The following SND1 variants were observed in gnomAD, a reference collection of about 807,000 sequenced individuals.
SND1 encodes staphylococcal nuclease domain-containing protein 1.
In SND1, 38 loss-of-function variants were observed where a neutral mutation model predicts 121.7. The observed-to-expected ratio is 0.31, with a 90% CI of 0.24 to 0.41. The LOEUF (loss-of-function observed/expected upper bound fraction) is 0.41. SND1 is among the 10% of genes least tolerant of loss of function. The pLI is 1.00. For missense variants in SND1, 868 were observed against 1,184.6 expected, an observed-to-expected ratio of 0.73 and a Z score of 3.92; for synonymous variants, 401 against 447.4, an observed-to-expected ratio of 0.90 and a Z score of 1.31.
At chr7:127,662,268 A>G (rs1348886518) in intron 1 of SND1, among the ~76,000 whole-genome samples, 1 of 152,200 alleles carries the variant, frequency 6.6e-6, no homozygotes, top group African/African-American at 2.4e-5. Flanking sequence ...AAACTGAAAT[A>G]GGGTCAATCT....
intron 10 of SND1, among the ~76,000 whole-genome samples, chr7:127,740,885 A>T (rs879433047): frequency 6.6e-6 from 1 of 152,200 alleles, no homozygotes; most frequent in Admixed American, 6.5e-5. Flanking sequence ...TTATAGATGC[A>T]GATGTTGTTT....
intron 10 of SND1, among the ~76,000 whole-genome samples, chr7:127,797,060 T>C (rs1002808725): frequency 1.3e-5 from 2 of 152,016 alleles, no homozygotes; most frequent in African/African-American, 4.8e-5. Flanking sequence ...GCTGGGCTAA[T>C]TTTTGTATTT....
intron 9 of SND1, among the ~76,000 whole-genome samples, chr7:127,712,760 A>G (rs990393794): frequency 2.0e-5 from 3 of 152,180 alleles, no homozygotes; most frequent in Admixed American, 6.5e-5. Flanking sequence ...GCTTATGTAT[A>G]GATACGTTTT....
chr7:127,961,567 A>G (rs1801731076), intron 15 of SND1, among the ~76,000 whole-genome samples: 1 of 152,234 alleles, frequency 6.6e-6, no homozygotes, highest in South Asian at 2.1e-4. Context: ...CCTAAACCCA[A>G]AACAACCAAA....
chr7:127,722,236 A>G (rs1278632517), intron 10 of SND1, among the ~76,000 whole-genome samples: 1 of 152,074 alleles, frequency 6.6e-6, no homozygotes, highest in Non-Finnish European at 1.5e-5. Flanking sequence ...CCAAAGGCAA[A>G]CATTTGGACA....
chr7:128,066,363 A>G (rs993513351), intron 16 of SND1, among the ~76,000 whole-genome samples: 4 of 152,242 alleles, frequency 2.6e-5, no homozygotes, highest in African/African-American at 4.8e-5. Context: ...TAGCACTCCA[A>G]TGCCAGAAAA....
chr7:127,829,837 G>A (rs1451463220), intron 11 of SND1, among the ~76,000 whole-genome samples: 2 of 152,168 alleles, frequency 1.3e-5, no homozygotes, highest in African/African-American at 4.8e-5. Context: ...AATTTTTATA[G>A]GGATCTATAG....
chr7:127,737,427 T>C (rs1796796731), intron 10 of SND1, among the ~76,000 whole-genome samples: 3 of 152,148 alleles, frequency 2.0e-5, no homozygotes, highest in South Asian at 2.1e-4. Flanking sequence ...ATACGAAAAT[T>C]AGCTGGGTGT....
Position 128,089,674 on chromosome 7 carries a change from G to C in SND1, c.2604G>C (p.Glu868Asp), listed in dbSNP as rs1301107276. The C allele has an allele frequency of 1.9e-6, 3 of 1,614,128 alleles. No individual in the cohort carries two copies. Among genetic ancestry groups the C allele is most frequent in the Non-Finnish European group, 2.5e-6 (3 of 1,180,030 alleles). ...EGLVMVEVRKEKQFQKVITEY... is the reference protein window; with the variant it reads ...EGLVMVEVRKDKQFQKVITEY... ...TGGTCATGGTGGAGGTGCGCAAGGA[G>C]AAACAGTTCCAGAAAGTGGTATGTG... is the stretch of plus-strand genomic sequence containing the variant. Residue 868 changes from glutamate to aspartate, a missense_variant, in exon 22 of 24, where the codon GAG becomes GAC. Coordinates refer to ENST00000354725, the MANE Select transcript of SND1 (RefSeq NM_014390.4).
At chr7:127,863,646 C>A (rs1584626673) in intron 12 of SND1, among the ~76,000 whole-genome samples, 2 of 152,084 alleles carry the variant, frequency 1.3e-5, no homozygotes, top group South Asian at 4.1e-4. Context: ...TGAGTGTGAC[C>A]CCCTCATTAC....
chr7:127,681,317 AACTT>A (rs779141322), intron 1 of SND1, among the ~76,000 whole-genome samples: 1 of 152,068 alleles, frequency 6.6e-6, no homozygotes, highest in African/African-American at 2.4e-5. Context: ...ATGTCTCTTC[AACTT>A]ACTTTAATTG....
chr7:127,880,102 G>A (rs1345978606), intron 12 of SND1, among the ~76,000 whole-genome samples: 2 of 152,174 alleles, frequency 1.3e-5, no homozygotes, highest in African/African-American at 4.8e-5. Context: ...CCCATTCGGT[G>A]AAGAGATATC....
At chr7:127,961,426 A>G (rs1338082566) in intron 15 of SND1, among the ~76,000 whole-genome samples, 1 of 152,254 alleles carries the variant, frequency 6.6e-6, no homozygotes, top group Non-Finnish European at 1.5e-5. Flanking sequence ...AGCAAGCTGA[A>G]ACTTGAGAAC....
chr7:127,956,816 A>T (rs892335733), intron 15 of SND1, among the ~76,000 whole-genome samples: 2 of 152,146 alleles, frequency 1.3e-5, no homozygotes, highest in Admixed American at 1.3e-4. Context: ...TCTCTTGTTT[A>T]TTTTATTAGA....
rs142516284 is a variant in SND1 at position 127,929,780 on chromosome 7, G to A, written c.1669+451G>A. Among the ~76,000 whole-genome samples, 500 of 152,208 alleles carry A rather than the reference G, an allele frequency of 3.3e-3. 2 individuals are homozygous for A. The highest frequency in any genetic ancestry group is 4.0e-3 in the Non-Finnish European group (274 of 68,006). On this transcript the variant is annotated intron_variant, in intron 15 of 23. Transcript: ENST00000354725. ...TGTCTCCCTTTCATTCTTTTCAAAT[G>A]CCATTAAGATCCCAGTCCTTTATGA...
intron 14 of SND1, among the ~76,000 whole-genome samples, chr7:127,923,600 C>T (rs1381649402): frequency 1.3e-5 from 2 of 152,166 alleles, no homozygotes; most frequent in Non-Finnish European, 2.9e-5. Flanking sequence ...GAATCATAAA[C>T]TCATTCTGTG....
chr7:127,857,792 C>T lies in SND1; in HGVS notation c.1343+13368C>T, dbSNP rs1019327674. On this transcript the variant is annotated intron_variant, in intron 12 of 23. Transcript: ENST00000354725. ...TTCCTCACTGCCTGAGACACTTGGA[C>T]CTCCTCCACAAAGTTCAGGAAAGAA... 7 of 714,928 alleles carry T rather than the reference C, an allele frequency of 9.8e-6. No individual in the cohort carries two copies. The African/African-American group carries it at 1.0e-4, about 11-fold the overall frequency. 44.3% of individuals were successfully genotyped at this position (714,928 alleles called of 1,614,324 possible).
Position 127,653,386 on chromosome 7 carries a change from A to G in SND1, c.78+935A>G, listed in dbSNP as rs545352120. ...CTTGGTTTTACCAATTTTCTGGTTT[A>G]TGATGACTGTAAACTTCTAGATGTC... On this transcript the variant is annotated intron_variant, in intron 1 of 23. Coordinates refer to ENST00000354725, the MANE Select transcript of SND1 (RefSeq NM_014390.4). Among the ~76,000 whole-genome samples, 5 of 152,374 alleles carry G rather than the reference A, an allele frequency of 3.3e-5. No individual in the cohort carries two copies. The South Asian group carries it at 1.0e-3, about 32-fold the overall frequency.
intron 12 of SND1, among the ~76,000 whole-genome samples, chr7:127,880,915 T>G (rs564588887): frequency 1.3e-5 from 2 of 152,144 alleles, no homozygotes; most frequent in East Asian, 3.9e-4. Flanking sequence ...CCTATTTGAC[T>G]AAGATAGCTT....
Sources: gnomAD v4.1 joint callset for allele counts (sites outside exome capture counted in the v4.1 genomes callset) on GRCh38, gnomAD v4.1.1 for gene constraint, MANE v1.5 for transcripts, NCBI Gene and HGNC (gene_info 2026-07-23, HGNC 2026-07-21) for gene names.